Variants in ABCD2 observed in about 807,000 individuals in gnomAD.
ABCD2 encodes ATP-binding cassette sub-family D member 2.
Under a neutral mutation model 70.9 loss-of-function variants are expected in ABCD2, and 36 were observed. The observed-to-expected ratio is 0.51, with a 90% CI of 0.39 to 0.67. The LOEUF (loss-of-function observed/expected upper bound fraction) is 0.67. Ranked by LOEUF, ABCD2 falls within the 30% of genes least tolerant of loss-of-function variation. ABCD2 has a pLI of 0.00. For missense variants in ABCD2, 729 were observed against 890.2 expected (o/e 0.82, Z 2.30); for synonymous variants, 304 against 306.9 (o/e 0.99, Z 0.10).
the ABCD2 span, among the ~76,000 whole-genome samples, chr12:39,531,840 A>G: frequency 6.6e-6 from 1 of 152,232 alleles, no homozygotes; most frequent in Non-Finnish European, 1.5e-5. Flanking sequence ...ACCCCAAACA[A>G]CCCATATATT....
At chr12:39,573,876 G>T in intron 8 of ABCD2, 35 bp from the exon 9 acceptor site, 2 of 1,589,168 alleles carry the variant, frequency 1.3e-6, no homozygotes, top group Non-Finnish European at 1.7e-6. Context: ...TAATTATTTT[G>T]CTATATGAAC....
chr12:39,547,216 T>G (rs1455609310), downstream of ABCD2, among the ~76,000 whole-genome samples: 1 of 152,024 alleles, frequency 6.6e-6, no homozygotes, highest in Non-Finnish European at 1.5e-5. Flanking sequence ...TGTGGAGAAA[T>G]TGGAGCCCTT....
intron 9 of ABCD2, 86 bp from the exon 10 acceptor site, chr12:39,554,217 A>C (rs1196782475): frequency 5.0e-5 from 66 of 1,319,006 alleles, no homozygotes; most frequent in Non-Finnish European, 6.8e-5. Flanking sequence ...ATTGATACCC[A>C]AAGGCAAATT....
At chr12:39,607,483 A>G (rs1941984349) in intron 3 of ABCD2, 116 bp downstream of exon 3, 1 of 782,454 alleles carries the variant, frequency 1.3e-6, no homozygotes, top group Non-Finnish European at 2.1e-6. Flanking sequence ...ATACGCAGCA[A>G]TTTTTGGCAG....
the ABCD2 span, among the ~76,000 whole-genome samples, chr12:39,544,917 G>A: frequency 2.0e-5 from 3 of 152,136 alleles, no homozygotes; most frequent in African/African-American, 7.2e-5. Context: ...GGTAAATAAC[G>A]AGTCCTAGGA....
At chr12:39,607,999 C>T (rs947712565) in intron 2 of ABCD2, among the ~76,000 whole-genome samples, 2 of 151,914 alleles carry the variant, frequency 1.3e-5, no homozygotes, top group Admixed American at 6.6e-5. Context: ...GAAACCTTGT[C>T]GCTACTAAAA....
chr12:39,562,424 C>T (rs899316646), intron 9 of ABCD2, among the ~76,000 whole-genome samples: 1 of 151,022 alleles, frequency 6.6e-6, no homozygotes, highest in South Asian at 2.1e-4. Context: ...CAAAGATAAC[C>T]AAATTTGACA....
At chr12:39,538,294 C>T in the ABCD2 span, among the ~76,000 whole-genome samples, 2 of 151,686 alleles carry the variant, frequency 1.3e-5, no homozygotes, top group Admixed American at 6.6e-5. Context: ...CTCAGCCTCC[C>T]GAGTAGCTAG....
chr12:39,585,034 G>C (rs4583016), intron 7 of ABCD2, among the ~76,000 whole-genome samples: 1 of 152,010 alleles, frequency 6.6e-6, no homozygotes, highest in Non-Finnish European at 1.5e-5. Flanking sequence ...TTTTAAAATA[G>C]TTTTTTTCCT....
intron 9 of ABCD2, among the ~76,000 whole-genome samples, chr12:39,559,400 AAG>A (rs1566530971): frequency 6.6e-6 from 1 of 150,986 alleles, no homozygotes; most frequent in East Asian, 1.9e-4. Flanking sequence ...AAAAAAAAAA[AAG>A]GAAATATATG....
chr12:39,554,112 A>G lies in ABCD2; in HGVS notation c.2023T>C (p.Leu675=). ...PSLWKYHTHL[L]QFDGEGGWRF... ...CAACCTCCTTCACCATCAAACTGTA[A>G]TAAATGTGTGTGGTATTTCCTGCAT... The change falls in exon 10 of 10, where the codon TTA becomes CTA. Residue 675 remains leucine, a synonymous_variant. Transcript: ENST00000308666. The G allele has an allele frequency of 6.2e-7, 1 of 1,612,842 alleles. No individual in the cohort carries two copies. The highest frequency in any genetic ancestry group is 8.5e-7 in the Non-Finnish European group (1 of 1,179,394).
intron 7 of ABCD2, among the ~76,000 whole-genome samples, chr12:39,585,788 T>A (rs1416481479): frequency 1.3e-5 from 2 of 152,174 alleles, no homozygotes; most frequent in Non-Finnish European, 2.9e-5. Flanking sequence ...ACTTCTCAAA[T>A]TATTTAATTT....
In ABCD2 at chr12:39,616,766, A is replaced by G. The variant is rs909055762; in HGVS notation, c.1120+222T>C. 4.6e-5 allele frequency among the ~76,000 whole-genome samples: 7 copies of G among 152,158 alleles called. No homozygotes were observed. In the East Asian group the frequency reaches 1.4e-3, roughly 29 times the overall value. On this transcript the variant is annotated intron_variant, in intron 2 of 9. Transcript: ENST00000308666. ...AACTCCGAGAAACACTGCATCAGAG[A>G]TCTCTGAAATAGCTCAGAACTGGGA...
intron 6 of ABCD2, among the ~76,000 whole-genome samples, chr12:39,587,144 A>C (rs1233784703): frequency 6.6e-6 from 1 of 152,238 alleles, no homozygotes; most frequent in Admixed American, 6.5e-5. Flanking sequence ...TGTAATAGCA[A>C]AATACTGAAA....
At chr12:39,573,947 G>T (rs1941482679) in intron 8 of ABCD2, 106 bp from the exon 9 acceptor site, 1 of 1,120,516 alleles carries the variant, frequency 8.9e-7, no homozygotes, top group Non-Finnish European at 1.2e-6. Flanking sequence ...GAGCAAAAAA[G>T]ACTATGGCAT....
intron 9 of ABCD2, among the ~76,000 whole-genome samples, chr12:39,568,987 AT>A (rs912928961): frequency 6.6e-6 from 1 of 152,140 alleles, no homozygotes; most frequent in African/African-American, 2.4e-5. Flanking sequence ...TTCCTCTGGA[AT>A]TTTTTTCTCA....
intron 7 of ABCD2, among the ~76,000 whole-genome samples, chr12:39,581,299 A>G (rs1316319677): frequency 6.6e-6 from 1 of 152,168 alleles, no homozygotes; most frequent in Non-Finnish European, 1.5e-5. Context: ...AGGTAATACA[A>G]TATATGAAAA....
At chr12:39,547,537 T>C (rs555724360), downstream of ABCD2, among the ~76,000 whole-genome samples, 3 of 152,242 alleles carry the variant, frequency 2.0e-5, no homozygotes, top group African/African-American at 4.8e-5. Flanking sequence ...TTGTGGACAT[T>C]ATGCTAAATG....
intron 9 of ABCD2, among the ~76,000 whole-genome samples, chr12:39,571,313 C>A (rs1251474087): frequency 6.6e-6 from 1 of 152,120 alleles, no homozygotes; most frequent in Non-Finnish European, 1.5e-5. Flanking sequence ...CATATGGAAT[C>A]AACCCTAGTG....
Sources: allele counts gnomAD v4.1 joint callset (sites outside exome capture counted in the v4.1 genomes callset), GRCh38; gene constraint gnomAD v4.1.1; transcripts MANE v1.5; gene names NCBI Gene and HGNC (gene_info 2026-07-23, HGNC 2026-07-21).